The following MTCL1 variants were observed in gnomAD, a reference collection of about 807,000 sequenced individuals.
MTCL1 encodes the protein microtubule cross-linking factor 1.
MTCL1 carries 79 observed loss-of-function variants against 141.4 expected under a neutral mutation model. The observed-to-expected ratio is 0.56, with a 90% confidence interval of 0.47 to 0.67. MTCL1 has a LOEUF of 0.67. MTCL1 is among the 30% of genes least tolerant of loss of function. The pLI is 0.00. For missense variants in MTCL1, 2,177 were observed against 2,113.9 expected (o/e 1.03, Z -0.59); for synonymous variants, 914 against 875.8 (o/e 1.04, Z -0.77).
At chr18:8,729,495 T>G (rs1362558464) in intron 4 of MTCL1, among the ~76,000 whole-genome samples, 1 of 151,668 alleles carries the variant, frequency 6.6e-6, no homozygotes, top group Non-Finnish European at 1.5e-5. Flanking sequence ...CCTTGAACTC[T>G]GGGGCTCAAG....
chr18:8,804,446 T>A (rs1384002938), intron 10 of MTCL1, among the ~76,000 whole-genome samples: 6 of 152,222 alleles, frequency 3.9e-5, no homozygotes, highest in Non-Finnish European at 8.8e-5. Flanking sequence ...CGTGGAATTT[T>A]AAAAACTGTT....
At chr18:8,789,413 G>A in intron 7 of MTCL1, 1 of 985,450 alleles carries the variant, frequency 1.0e-6, no homozygotes, top group South Asian at 4.7e-5. Context: ...GCACTCTAGT[G>A]ATGGCCATGA....
intron 4 of MTCL1, among the ~76,000 whole-genome samples, chr18:8,740,725 T>C (rs2096298084): frequency 6.6e-6 from 1 of 152,218 alleles, no homozygotes; most frequent in Non-Finnish European, 1.5e-5. Context: ...TAAGGTGATC[T>C]GCCTGCCTCG....
intron 4 of MTCL1, among the ~76,000 whole-genome samples, chr18:8,738,206 C>T (rs1450550330): frequency 1.3e-5 from 2 of 152,128 alleles, no homozygotes; most frequent in African/African-American, 4.8e-5. Flanking sequence ...GTTATTGGTG[C>T]AGTTTTTAAA....
chr18:8,806,805 C>A (rs1258407807), intron 10 of MTCL1, 88 bp from the exon 10 acceptor site: 2 of 1,431,316 alleles, frequency 1.4e-6, no homozygotes, highest in Non-Finnish European at 9.5e-7. Flanking sequence ...ACAGCCCCCA[C>A]ACTACCTTGA....
chr18:8,793,433 C>G (rs2075807006), intron 8 of MTCL1, among the ~76,000 whole-genome samples: 1 of 152,222 alleles, frequency 6.6e-6, no homozygotes, highest in East Asian at 1.9e-4. Context: ...TGCAACTGGA[C>G]AGAAAAGTGT....
intron 4 of MTCL1, among the ~76,000 whole-genome samples, chr18:8,770,021 A>G (rs1222281450): frequency 2.0e-5 from 3 of 152,236 alleles, no homozygotes; most frequent in Non-Finnish European, 4.4e-5. Context: ...AAGAAAGGCA[A>G]AGATTTTTTG....
exon 15 of MTCL1, chr18:8,824,926 G>T (rs2076966613): frequency 6.2e-7 from 1 of 1,613,628 alleles, no homozygotes; most frequent in Admixed American, 1.7e-5. Context: ...ACCGAGGTGG[G>T]GCGGGCAGGG....
chr18:8,728,520 A>G (rs776482991), intron 4 of MTCL1, among the ~76,000 whole-genome samples: 2 of 152,036 alleles, frequency 1.3e-5, no homozygotes, highest in Non-Finnish European at 2.9e-5. Flanking sequence ...CTATAGTTTC[A>G]GTCCACTTTA....
At chr18:8,813,336 T>G in intron 12 of MTCL1, 103 bp downstream of exon 11, 1 of 1,339,316 alleles carries the variant, frequency 7.5e-7, no homozygotes, top group Non-Finnish European at 1.0e-6. Flanking sequence ...CCTTGCAGCA[T>G]CAGGATGCAT....
Position 8,786,110 on chromosome 18 carries a change from T to TACCCCC in MTCL1, c.1887+19_1887+20insACCCCC. 7.6e-7 allele frequency: 1 copy of TACCCCC among 1,310,348 alleles called. No homozygotes were observed. The highest frequency in any genetic ancestry group is 1.3e-5 in the South Asian group (1 of 77,210). The allele number at this position is 1,310,348 out of a possible 1,614,324, so 81.2% of individuals were successfully genotyped here. Reference sequence around the variant, plus strand: ...CCTGGAGGTCAGCGTGGGCAAGCAATCCCCCCCCCCCGCCCTCCCCCTCCT... The same window carrying TACCCCC: ...CCTGGAGGTCAGCGTGGGCAAGCAATACCCCCCCCCCCCCCCCGCCCTCCCCCTCCT... On this transcript the variant is annotated intron_variant, in intron 7 of 16. Transcript: ENST00000359865.
At chr18:8,831,732 A>T (rs1485056873) in exon 17 of MTCL1, 1 of 1,550,454 alleles carries the variant, frequency 6.4e-7, no homozygotes, top group South Asian at 1.2e-5. Flanking sequence ...AGCCTCAGTC[A>T]CCCGGAGACC....
intron 4 of MTCL1, among the ~76,000 whole-genome samples, chr18:8,727,430 T>C (rs2096223039): frequency 6.6e-6 from 1 of 152,248 alleles, no homozygotes; most frequent in South Asian, 2.1e-4. Context: ...AGAGTTCCTT[T>C]TTCTCCATAT....
exon 3 of MTCL1, chr18:8,718,474 T>C (rs2096145042): frequency 6.2e-7 from 1 of 1,614,052 alleles, no homozygotes; most frequent in Non-Finnish European, 8.5e-7. Context: ...GAGACAGTTA[T>C]TTAGAGGAAG....
intron 4 of MTCL1, among the ~76,000 whole-genome samples, chr18:8,776,150 C>T (rs2096507411): frequency 1.3e-5 from 2 of 152,182 alleles, no homozygotes; most frequent in African/African-American, 4.8e-5. Flanking sequence ...TCAGATGAGG[C>T]CCTGGACCCC....
At chr18:8,743,733 A>G (rs867670122) in intron 4 of MTCL1, among the ~76,000 whole-genome samples, 6 of 152,220 alleles carry the variant, frequency 3.9e-5, no homozygotes, top group South Asian at 2.1e-4. Context: ...TAAAAACCCT[A>G]TGATGGCATT....
intron 4 of MTCL1, among the ~76,000 whole-genome samples, chr18:8,730,911 C>A (rs924305017): frequency 5.3e-5 from 8 of 152,198 alleles, no homozygotes; most frequent in Non-Finnish European, 1.2e-4. Flanking sequence ...AATGGAACCT[C>A]TGACTTGTAG....
At chr18:8,753,715 T>C (rs1237312994) in intron 4 of MTCL1, among the ~76,000 whole-genome samples, 1 of 152,202 alleles carries the variant, frequency 6.6e-6, no homozygotes, top group Non-Finnish European at 1.5e-5. Flanking sequence ...GAGGGAGACA[T>C]CACCTCAGCC....
chr18:8,756,539 ATG>A (rs1222085561), intron 4 of MTCL1, among the ~76,000 whole-genome samples: 2 of 145,376 alleles, frequency 1.4e-5, no homozygotes, highest in African/African-American at 5.7e-5. Flanking sequence ...GTGTGTATAT[ATG>A]TGTATATATA....
Sources: allele counts gnomAD v4.1 joint callset (sites outside exome capture counted in the v4.1 genomes callset), GRCh38; gene constraint gnomAD v4.1.1; transcripts MANE v1.5; gene names NCBI Gene and HGNC (gene_info 2026-07-23, HGNC 2026-07-21).